DLGAP2: variants seen among roughly 807,000 people sequenced by gnomAD.
DLGAP2 encodes disks large-associated protein 2.
DLGAP2 carries 26 observed loss-of-function variants against 100.3 expected under a neutral mutation model. The ratio of observed to expected loss-of-function variants is 0.26; its 90% confidence interval spans 0.19 to 0.36. The LOEUF is 0.36. Ranked by LOEUF, DLGAP2 falls within the 10% of genes least tolerant of loss-of-function variation. DLGAP2 has a pLI of 1.00. For missense variants in DLGAP2, 1,858 were observed against 1,453.2 expected (o/e 1.28, Z -4.53); for synonymous variants, 886 against 630.1 (o/e 1.41, Z -6.08).
At chr8:1,254,956 G>C (rs13262675) in intron 2 of DLGAP2, among the ~76,000 whole-genome samples, 2,216 of 66,552 alleles carry the variant, frequency 0.033, 163 homozygotes, top group African/African-American at 0.17. Flanking sequence ...GGTGCTGTGT[G>C]TGTGTCCTCT....
intron 3 of DLGAP2, among the ~76,000 whole-genome samples, chr8:1,358,120 T>C (rs1801898117): frequency 6.6e-6 from 1 of 152,084 alleles, no homozygotes; most frequent in Non-Finnish European, 1.5e-5. Context: ...GAAGTGAAGA[T>C]TGTAAAATAA....
At chr8:1,550,958 T>A (rs2130524642) in intron 5 of DLGAP2, among the ~76,000 whole-genome samples, 1 of 152,366 alleles carries the variant, frequency 6.6e-6, no homozygotes, top group Admixed American at 6.5e-5. Flanking sequence ...AATGGGCCAT[T>A]GCTGGCTGAG....
At chr8:805,817 C>T (rs1032664011) in intron 1 of DLGAP2, among the ~76,000 whole-genome samples, 3 of 152,184 alleles carry the variant, frequency 2.0e-5, no homozygotes, top group Non-Finnish European at 4.4e-5. Context: ...AGCCACCGCA[C>T]GCAGCCTGCG....
chr8:1,317,669 G>A (rs1469240590), intron 3 of DLGAP2, among the ~76,000 whole-genome samples: 4 of 139,930 alleles, frequency 2.9e-5, no homozygotes, highest in East Asian at 4.2e-4. Context: ...AATAGAGCGT[G>A]TGCGAGTGCA....
Position 1,116,451 on chromosome 8 carries a change from A to G in DLGAP2, c.74-142400A>G, listed in dbSNP as rs116510457. ...GCATTGAGGGTTTTCTTATTTCTTC[A>G]GTTTCTTTATCTGTAAAGTGGGGGT... On this transcript the variant is annotated intron_variant, in intron 2 of 14. Transcript: ENST00000637795. 6.0e-3 allele frequency among the ~76,000 whole-genome samples: 913 copies of G among 152,222 alleles called. 9 individuals carry two copies. Among genetic ancestry groups the G allele is most frequent in the African/African-American group, 0.021 (868 of 41,522 alleles).
chr8:1,554,293 A>T (rs1801881049), intron 5 of DLGAP2, among the ~76,000 whole-genome samples: 1 of 120,272 alleles, frequency 8.3e-6, no homozygotes, highest in Non-Finnish European at 1.6e-5. Context: ...ATCTCTAAAT[A>T]AATAAATTAA....
chr8:1,605,739 G>A (rs1019441409), intron 6 of DLGAP2, among the ~76,000 whole-genome samples: 1 of 152,196 alleles, frequency 6.6e-6, no homozygotes, highest in African/African-American at 2.4e-5. Context: ...ATGATGGGGT[G>A]AGAACCGAAG....
chr8:1,602,671 C>A (rs1026282080), intron 6 of DLGAP2, among the ~76,000 whole-genome samples: 9 of 152,230 alleles, frequency 5.9e-5, no homozygotes, highest in Admixed American at 5.9e-4. Context: ...AAGGAAGCCC[C>A]TCCTTCCCAG....
chr8:1,488,894 G>C (rs2130274309), intron 3 of DLGAP2, among the ~76,000 whole-genome samples: 1 of 152,230 alleles, frequency 6.6e-6, no homozygotes, highest in South Asian at 2.1e-4. Context: ...CCTGGATTCA[G>C]GGTGGGTAAG....
chr8:1,662,952 A>C (rs1798447184), intron 8 of DLGAP2, among the ~76,000 whole-genome samples: 1 of 136,982 alleles, frequency 7.3e-6, no homozygotes. Context: ...GTGTGTGTAC[A>C]CATGTGTGAG....
intron 2 of DLGAP2, among the ~76,000 whole-genome samples, chr8:972,935 G>A (rs1019580557): frequency 3.3e-5 from 5 of 152,114 alleles, no homozygotes; most frequent in African/African-American, 9.7e-5. Flanking sequence ...CCGTGTTGGG[G>A]GTAAGGTCAT....
chr8:758,141 G>C (rs1294217377), intron 1 of DLGAP2, among the ~76,000 whole-genome samples: 1 of 152,234 alleles, frequency 6.6e-6, no homozygotes, highest in Non-Finnish European at 1.5e-5. Flanking sequence ...AGCAGGAGTG[G>C]CCATCCCGAG....
chr8:1,246,882 T>G (rs1421876907), intron 2 of DLGAP2: 1 of 123,110 alleles, frequency 8.1e-6, no homozygotes, highest in African/African-American at 4.3e-5. Context: ...GTGGGAGTAA[T>G]GGCCCATGTT....
At position 860,297 on chromosome 8, in the gene DLGAP2, T is replaced by C. The variant is rs549707031; in HGVS notation, c.19-47615T>C. On this transcript the variant is annotated intron_variant, in intron 1 of 14. Transcript: ENST00000637795. ...CCCGGGTTTTGCAGAAAAATCTCTT[T>C]TGTGACCAACCACTGGCTGCCGCTG... Among the ~76,000 whole-genome samples the C allele has an allele frequency of 5.3e-5, 8 of 152,310 alleles. No homozygotes were observed. The East Asian group carries it at 1.5e-3, about 29-fold the overall frequency.
At chr8:1,110,897 C>CCCTGTGGATGGTG (rs1804936114) in intron 2 of DLGAP2, among the ~76,000 whole-genome samples, 2 of 152,012 alleles carry the variant, frequency 1.3e-5, no homozygotes, top group African/African-American at 4.8e-5. Context: ...TGGGGCCCTT[C>CCCTGTGGATGGTG]CCTGTGGATG....
intron 10 of DLGAP2, among the ~76,000 whole-genome samples, chr8:1,675,078 C>G (rs181313421): frequency 6.6e-5 from 10 of 152,348 alleles, no homozygotes; most frequent in South Asian, 6.2e-4. Context: ...ACCCAGCTAT[C>G]AGAACACGCA....
At chr8:1,151,444 G>A (rs770667689) in intron 2 of DLGAP2, among the ~76,000 whole-genome samples, 27 of 152,326 alleles carry the variant, frequency 1.8e-4, no homozygotes, top group Admixed American at 7.2e-4. Context: ...TTTGGCCTAC[G>A]CGGGGGCAGC....
chr8:1,638,554 C>G (rs569026425), intron 8 of DLGAP2, among the ~76,000 whole-genome samples: 2 of 152,282 alleles, frequency 1.3e-5, no homozygotes, highest in Admixed American at 1.3e-4. Flanking sequence ...TGCAGAAGAG[C>G]ACGGAGAAGA....
At chr8:1,539,800 C>A (rs1801295620) in intron 4 of DLGAP2, among the ~76,000 whole-genome samples, 2 of 152,176 alleles carry the variant, frequency 1.3e-5, no homozygotes, top group South Asian at 2.1e-4. Flanking sequence ...ACCTCAGAGC[C>A]AGCAGGTGGG....
Sources: allele counts gnomAD v4.1 joint callset (sites outside exome capture counted in the v4.1 genomes callset), GRCh38; gene constraint gnomAD v4.1.1; transcripts MANE v1.5; gene names NCBI Gene and HGNC (gene_info 2026-07-23, HGNC 2026-07-21).